Variants in FAM110D observed in about 807,000 individuals in gnomAD.
FAM110D encodes protein FAM110D.
For missense variants in FAM110D, 376 were observed against 395.6 expected, an observed-to-expected ratio of 0.95 and a Z score of 0.42; for synonymous variants, 174 against 189.4, an observed-to-expected ratio of 0.92 and a Z score of 0.67.
At position 26,162,009 on chromosome 1, in the gene FAM110D, C is replaced by T. The variant is rs541850901; in HGVS notation, c.718C>T (p.Arg240Cys). 4.5e-5 allele frequency: 55 copies of T among 1,235,704 alleles called. No individual in the cohort carries two copies. The African/African-American group carries it at 7.5e-4, about 17-fold the overall frequency. 76.5% of individuals were successfully genotyped at this position (1,235,704 alleles called of 1,614,324 possible). A position where few individuals can be genotyped will look rare whatever the true frequency, so the allele number is the denominator to read the frequency against. Reference protein sequence around the residue: ...SEAAGSARDRRPPVSVVERNA... With the variant: ...SEAAGSARDRCPPVSVVERNA... Reference sequence around the variant, plus strand: ...GGCAGCGGGCTCGGCGCGGGACCGGCGCCCCCCGGTGTCGGTGGTGGAGCG... The same window carrying T: ...GGCAGCGGGCTCGGCGCGGGACCGGTGCCCCCCGGTGTCGGTGGTGGAGCG... Residue 240 changes from arginine (R) to cysteine (C), a missense_variant, in exon 2 of 2, where the codon CGC (arginine) becomes TGC (cysteine). Coordinates refer to ENST00000374268, the MANE Select transcript of FAM110D (RefSeq NM_024869.3). This position sits in a 1 kb window ranked among gnomAD's most constrained non-coding sequence, Gnocchi z 5.3.
rs1364702630 is a variant in FAM110D at position 26,161,358 on chromosome 1, G to A, written c.67G>A (p.Ala23Thr). Residue 23 changes from alanine to threonine, a missense_variant, in exon 2 of 2, where the codon GCC becomes ACC. By Grantham distance (58) the Ala-to-Thr change is moderately conservative. Transcript: ENST00000374268. This position sits in a 1 kb window ranked among gnomAD's most constrained non-coding sequence, Gnocchi z 5.4. ...CCCCAGCGCCGTGGAGAGGCTGGAAGCCGACAAAGCCAAGTATGTCAAGAC... is the reference window on the plus strand; with the variant it reads ...CCCCAGCGCCGTGGAGAGGCTGGAAACCGACAAAGCCAAGTATGTCAAGAC... ...RTPSAVERLE[A>T]DKAKYVKTHQ... 1 of 1,594,164 alleles carries A rather than the reference G, an allele frequency of 6.3e-7. No individual in the cohort carries two copies. The highest frequency in any genetic ancestry group is 8.5e-7 in the Non-Finnish European group (1 of 1,171,014).
rs1284478172 is a variant in FAM110D at position 26,161,329 on chromosome 1, G to A, written c.38G>A (p.Arg13Gln). ...LAPPSTPSRG[R>Q]TPSAVERLEA... ...CCTCCCTCCACCCCGTCCAGAGGACGGACCCCCAGCGCCGTGGAGAGGCTG... is the reference window on the plus strand; with the variant it reads ...CCTCCCTCCACCCCGTCCAGAGGACAGACCCCCAGCGCCGTGGAGAGGCTG... The change falls in exon 2 of 2, where the codon CGG becomes CAG. Residue 13 changes from arginine to glutamine, a missense_variant. Transcript: ENST00000374268. The surrounding 1 kb of genome is among the most constrained non-coding windows in gnomAD (Gnocchi z 5.4). 16 of 1,590,604 alleles carry A rather than the reference G, an allele frequency of 1.0e-5. No individual in the cohort carries two copies. Among genetic ancestry groups the A allele is most frequent in the African/African-American group, 1.3e-5 (1 of 74,370 alleles).
chr1:26,162,146 G>C lies in FAM110D; in HGVS notation c.*39G>C. 1 of 1,203,738 alleles carries C rather than the reference G, an allele frequency of 8.3e-7. No homozygotes were observed. Among genetic ancestry groups the C allele is most frequent in the Non-Finnish European group, 1.0e-6 (1 of 953,898 alleles). 74.6% of individuals were successfully genotyped at this position (1,203,738 alleles called of 1,614,324 possible). A position where few individuals can be genotyped will look rare whatever the true frequency, so the allele number is the denominator to read the frequency against. On this transcript the variant is annotated 3_prime_UTR_variant, in exon 2 of 2. Coordinates refer to ENST00000374268, the MANE Select transcript of FAM110D (RefSeq NM_024869.3). The surrounding 1 kb of genome is among the most constrained non-coding windows in gnomAD (Gnocchi z 5.3). ...GGACTGGCCCCGGGACTGGCCCCGG[G>C]CACGGAAAAGGACACCCCTCTTCTG...
At position 26,162,602 on chromosome 1, in the gene FAM110D, A is replaced by C. The variant is rs1270438457; in HGVS notation, c.*495A>C. On this transcript the variant is annotated 3_prime_UTR_variant, in exon 2 of 2. Coordinates refer to ENST00000374268, the MANE Select transcript of FAM110D (RefSeq NM_024869.3). This position sits in a 1 kb window ranked among gnomAD's most constrained non-coding sequence, Gnocchi z 5.3. ...AGTGCCCAGCATATAGAAAGTGCTC[A>C]ATAAACGATAACTGCTGTGACTTCT... 6.0e-6 allele frequency: 1 copy of C among 166,436 alleles called. No homozygotes were observed. Among genetic ancestry groups the C allele is most frequent in the Non-Finnish European group, 1.5e-5 (1 of 68,364 alleles). The allele number at this position is 166,436 out of a possible 1,614,324, so 10.3% of individuals were successfully genotyped here. A position where few individuals can be genotyped will look rare whatever the true frequency, so the allele number is the denominator to read the frequency against.
At chr1:26,160,829 G>A (rs1320910381) in intron 1 of FAM110D, among the ~76,000 whole-genome samples, 1 of 152,256 alleles carries the variant, frequency 6.6e-6, no homozygotes, top group African/African-American at 2.4e-5. Context: ...CCAGCCTGTG[G>A]CTGGGAGCCT....
rs1311808843 is a variant in FAM110D, at chr1:26,161,507, G to A, written c.216G>A (p.Arg72=). 1 of 1,552,292 alleles carries A rather than the reference G, an allele frequency of 6.4e-7. No homozygotes were observed. The highest frequency in any genetic ancestry group is 2.0e-5 in the Admixed American group (1 of 51,200). ...CCAGGACGCCCAGGCCGGTCCGCCG[G>A]GGAAGCGGCAGGCGGCTGCCGAGGC... ...ASPRTPRPVR[R]GSGRRLPRPD... is the part of the protein sequence containing the mutation. The change falls in exon 2 of 2, where the codon CGG becomes CGA. Residue 72 remains arginine (R), a synonymous_variant. Transcript: ENST00000374268. This position sits in a 1 kb window ranked among gnomAD's most constrained non-coding sequence, Gnocchi z 5.4.
In FAM110D at chr1:26,162,258, A is replaced by G. The variant is rs2088378001; in HGVS notation, c.*151A>G. The G allele has an allele frequency of 2.1e-6, 1 of 478,254 alleles. No homozygotes were observed. Among genetic ancestry groups the G allele is most frequent in the Non-Finnish European group, 3.4e-6 (1 of 294,320 alleles). The allele number at this position is 478,254 out of a possible 1,614,324, so 29.6% of individuals were successfully genotyped here. A position where few individuals can be genotyped will look rare whatever the true frequency, so the allele number is the denominator to read the frequency against. The stretch of plus-strand genomic sequence containing the variant: ...GGGGAGGTGGAACAAGTTGCTGCCG[A>G]AGGCCCTTCCCTGCTCCCGCGGCGA... On this transcript the variant is annotated 3_prime_UTR_variant, in exon 2 of 2. Coordinates refer to ENST00000374268, the MANE Select transcript of FAM110D (RefSeq NM_024869.3). This position sits in a 1 kb window ranked among gnomAD's most constrained non-coding sequence, Gnocchi z 5.3.
rs1210991416 is a variant in FAM110D, at chr1:26,163,359, T to G, written c.*1252T>G. ...TTTTTTTTTTTTTTTTTTTTTTTTT[T>G]TTTGAGACGGAGTCTCGCTCTGTCG... On this transcript the variant is annotated 3_prime_UTR_variant, in exon 2 of 2. Transcript: ENST00000374268. 1 of 17,660 alleles carries G rather than the reference T, an allele frequency of 5.7e-5. No individual in the cohort carries two copies. The highest frequency in any genetic ancestry group is 1.1e-4 in the African/African-American group (1 of 8,746). 1.1% of individuals were successfully genotyped at this position (17,660 alleles called of 1,614,324 possible). A position where few individuals can be genotyped will look rare whatever the true frequency, so the allele number is the denominator to read the frequency against.
intron 1 of FAM110D, 79 bp downstream of exon 1, chr1:26,159,205 T>C (rs892570341): frequency 2.0e-5 from 3 of 152,374 alleles, no homozygotes; most frequent in African/African-American, 7.2e-5. Context: ...GCCAAACTAG[T>C]GAGCCTAAAA....
In FAM110D at chr1:26,161,267, C is replaced by A; in HGVS notation, c.-25C>A. 6.6e-7 allele frequency: 1 copy of A among 1,517,534 alleles called. No individual in the cohort carries two copies. Among genetic ancestry groups the A allele is most frequent in the African/African-American group, 1.4e-5 (1 of 72,322 alleles). 94.0% of individuals were successfully genotyped at this position (1,517,534 alleles called of 1,614,324 possible). ...GCCCCGTGGCTGGCTACTTATGGGG[C>A]ACTGTCCTGACCAGCTCTGCTAAGA... On this transcript the variant is annotated 5_prime_UTR_variant, in exon 2 of 2. Transcript: ENST00000374268. This position sits in a 1 kb window ranked among gnomAD's most constrained non-coding sequence, Gnocchi z 5.4.
At position 26,161,580 on chromosome 1, in the gene FAM110D, G is replaced by A. The variant is rs996224531; in HGVS notation, c.289G>A (p.Val97Met). 3 of 1,550,300 alleles carry A rather than the reference G, an allele frequency of 1.9e-6. No homozygotes were observed. In the African/African-American group the frequency reaches 4.1e-5, roughly 21 times the overall value. Residue 97 changes from valine to methionine, a missense_variant, in exon 2 of 2, where the codon GTG (valine) becomes ATG (methionine). Val to Met is a conservative substitution (Grantham distance 21). Coordinates refer to ENST00000374268, the MANE Select transcript of FAM110D (RefSeq NM_024869.3). This position sits in a 1 kb window ranked among gnomAD's most constrained non-coding sequence, Gnocchi z 5.4. ...CCAGAAGCGGGACTGCAAGGCTTCG[G>A]TGAACAAAGAGAACGCCAAGGGCCA... ...YRQKRDCKASVNKENAKGQGL... is the reference protein window; with the variant it reads ...YRQKRDCKASMNKENAKGQGL...
At position 26,161,514 on chromosome 1, in the gene FAM110D, G is replaced by A; in HGVS notation, c.223G>A (p.Gly75Ser). 6.4e-7 allele frequency: 1 copy of A among 1,551,514 alleles called. No individual in the cohort carries two copies. Among genetic ancestry groups the A allele is most frequent in the Non-Finnish European group, 8.7e-7 (1 of 1,147,574 alleles). The change falls in exon 2 of 2, where the codon GGC becomes AGC. Residue 75 changes from glycine to serine, a missense_variant. Coordinates refer to ENST00000374268, the MANE Select transcript of FAM110D (RefSeq NM_024869.3). The surrounding 1 kb of genome is among the most constrained non-coding windows in gnomAD (Gnocchi z 5.4). ...GCCCAGGCCGGTCCGCCGGGGAAGCGGCAGGCGGCTGCCGAGGCCTGATTC... is the reference window on the plus strand; with the variant it reads ...GCCCAGGCCGGTCCGCCGGGGAAGCAGCAGGCGGCTGCCGAGGCCTGATTC... ...RTPRPVRRGS[G>S]RRLPRPDSLI...
At position 26,161,155 on chromosome 1, in the gene FAM110D, C is replaced by A; in HGVS notation, c.-80-57C>A. The A allele has an allele frequency of 1.2e-6, 1 of 869,000 alleles. No individual in the cohort carries two copies. Among genetic ancestry groups the A allele is most frequent in the Non-Finnish European group, 1.7e-6 (1 of 573,798 alleles). 53.8% of individuals were successfully genotyped at this position (869,000 alleles called of 1,614,324 possible). On this transcript the variant is annotated intron_variant, in intron 1 of 1. Transcript: ENST00000374268. This position sits in a 1 kb window ranked among gnomAD's most constrained non-coding sequence, Gnocchi z 5.4. ...CTGATCCTATACTGAGGAATGCCGG[C>A]AGGAGAGGACCAGGGGCATTTCCTA...
At position 26,163,877 on chromosome 1, in the gene FAM110D, T is replaced by A. The variant is rs2088394163; in HGVS notation, c.*1770T>A. 1 of 322,448 alleles carries A rather than the reference T, an allele frequency of 3.1e-6. No individual in the cohort carries two copies. The highest frequency in any genetic ancestry group is 5.6e-6 in the Non-Finnish European group (1 of 178,668). 20.0% of individuals were successfully genotyped at this position (322,448 alleles called of 1,614,324 possible). On this transcript the variant is annotated 3_prime_UTR_variant, in exon 2 of 2. Transcript: ENST00000374268. Reference sequence around the variant, plus strand: ...CACAGGCACAGTTTGTTGAATTAAATGAGGCTGGAGAGGGCGATGGACGCA... The same window carrying A: ...CACAGGCACAGTTTGTTGAATTAAAAGAGGCTGGAGAGGGCGATGGACGCA...
chr1:26,161,559 A>G lies in FAM110D; in HGVS notation c.268A>G (p.Lys90Glu). ...RPDSLIFYRQ[K>E]RDCKASVNKE... is the part of the protein sequence containing the mutation. ...TGATTCCCTCATCTTCTACCGCCAGAAGCGGGACTGCAAGGCTTCGGTGAA... is the reference window on the plus strand; with the variant it reads ...TGATTCCCTCATCTTCTACCGCCAGGAGCGGGACTGCAAGGCTTCGGTGAA... Residue 90 changes from lysine (K) to glutamate (E), a missense_variant, in exon 2 of 2, where the codon AAG becomes GAG. Lys to Glu is a moderately conservative substitution (Grantham distance 56). Coordinates refer to ENST00000374268, the MANE Select transcript of FAM110D (RefSeq NM_024869.3). This position sits in a 1 kb window ranked among gnomAD's most constrained non-coding sequence, Gnocchi z 5.4. The G allele has an allele frequency of 6.4e-7, 1 of 1,550,406 alleles. No individual in the cohort carries two copies. The highest frequency in any genetic ancestry group is 8.7e-7 in the Non-Finnish European group (1 of 1,146,918).
chr1:26,163,913 G>C lies in FAM110D; in HGVS notation c.*1806G>C, dbSNP rs1278235748. ...AGGGCGATGGACGCAGTCCTCTGGAGCTCTCCAACTTCCTGGAAAGTTGTA... is the reference window on the plus strand; with the variant it reads ...AGGGCGATGGACGCAGTCCTCTGGACCTCTCCAACTTCCTGGAAAGTTGTA... On this transcript the variant is annotated 3_prime_UTR_variant, in exon 2 of 2. Transcript: ENST00000374268. The C allele has an allele frequency of 5.4e-6, 2 of 369,942 alleles. No homozygotes were observed. The highest frequency in any genetic ancestry group is 9.6e-6 in the Non-Finnish European group (2 of 208,536). 22.9% of individuals were successfully genotyped at this position (369,942 alleles called of 1,614,324 possible).
In FAM110D at chr1:26,162,070, A is replaced by C; in HGVS notation, c.779A>C (p.Gln260Pro). ...ARVIQWLYGC[Q>P]RARGPPRESE... is the part of the protein sequence containing the mutation. ...GTCATCCAGTGGCTGTACGGCTGCC[A>C]GCGCGCCCGCGGACCGCCGCGCGAG... Residue 260 changes from glutamine to proline, a missense_variant, in exon 2 of 2, where the codon CAG becomes CCG. Coordinates refer to ENST00000374268, the MANE Select transcript of FAM110D (RefSeq NM_024869.3). This position sits in a 1 kb window ranked among gnomAD's most constrained non-coding sequence, Gnocchi z 5.3. 7.9e-7 allele frequency: 1 copy of C among 1,271,538 alleles called. No homozygotes were observed. Among genetic ancestry groups the C allele is most frequent in the Non-Finnish European group, 9.9e-7 (1 of 1,009,992 alleles). 78.8% of individuals were successfully genotyped at this position (1,271,538 alleles called of 1,614,324 possible).
Position 26,162,897 on chromosome 1 carries a change from T to C in FAM110D, c.*790T>C, listed in dbSNP as rs2088383734. On this transcript the variant is annotated 3_prime_UTR_variant, in exon 2 of 2. Coordinates refer to ENST00000374268, the MANE Select transcript of FAM110D (RefSeq NM_024869.3). The surrounding 1 kb of genome is among the most constrained non-coding windows in gnomAD (Gnocchi z 5.3). Reference sequence around the variant, plus strand: ...TGGCTCAGGCCTGTAATCCCAGCACTTTGGGAGGCTGAGGAGGGTAGATCA... The same window carrying C: ...TGGCTCAGGCCTGTAATCCCAGCACCTTGGGAGGCTGAGGAGGGTAGATCA... The C allele has an allele frequency of 6.6e-6, 1 of 152,088 alleles. No homozygotes were observed. Among genetic ancestry groups the C allele is most frequent in the African/African-American group, 2.4e-5 (1 of 41,386 alleles). 9.4% of individuals were successfully genotyped at this position (152,088 alleles called of 1,614,324 possible).
In FAM110D at chr1:26,162,196, C is replaced by T. The variant is rs947574141; in HGVS notation, c.*89C>T. On this transcript the variant is annotated 3_prime_UTR_variant, in exon 2 of 2. Coordinates refer to ENST00000374268, the MANE Select transcript of FAM110D (RefSeq NM_024869.3). This position sits in a 1 kb window ranked among gnomAD's most constrained non-coding sequence, Gnocchi z 5.3. ...GGCGCGCTGGGTGCCTTTGCGTAAG[C>T]CCTTCCTTCTGGAACTCAGTTTCGC... 7.0e-5 allele frequency: 58 copies of T among 830,754 alleles called. No homozygotes were observed. The African/African-American group carries it at 9.7e-4, about 14-fold the overall frequency. The allele number at this position is 830,754 out of a possible 1,614,324, so 51.5% of individuals were successfully genotyped here.
Sources: allele counts gnomAD v4.1 joint callset (sites outside exome capture counted in the v4.1 genomes callset), GRCh38; gene constraint gnomAD v4.1.1; non-coding constraint Gnocchi (gnomAD v3.1); transcripts MANE v1.5; gene names NCBI Gene and HGNC (gene_info 2026-07-23, HGNC 2026-07-21).